NCAPD3: variants seen among roughly 807,000 people sequenced by gnomAD.
NCAPD3 encodes condensin-2 complex subunit D3.
Under a neutral mutation model 182.9 loss-of-function variants are expected in NCAPD3, and 105 were observed. That is an observed-to-expected ratio of 0.57 (90% CI 0.49 to 0.68). NCAPD3 has a LOEUF of 0.68. Among genes scored for constraint, NCAPD3 ranks in the 30% least tolerant of loss-of-function variants. The pLI is 0.00. For synonymous variants in NCAPD3, 815 were observed against 679.9 expected (o/e 1.20, Z -3.09); for missense variants, 1,944 against 1,837.0 (o/e 1.06, Z -1.07).
Position 134,185,402 on chromosome 11 carries a change from T to C in NCAPD3, c.2170A>G (p.Lys724Glu). ...HSAPAWMLLS[K>E]IAGSSPRLDY... ...AGCCTGGGTGAGGAGCCAGCAATCT[T>C]GGAGAGCAGCATCCAGGCAGGTGCC... Residue 724 changes from lysine (K) to glutamate (E), a missense_variant, in exon 17 of 35, where the codon AAG (lysine) becomes GAG (glutamate). This residue lies in a region of NCAPD3 where 1,803 missense variants were observed against 1,674.6 expected (regional missense o/e 1.08). Transcript: ENST00000534548. 4 of 1,614,104 alleles carry C rather than the reference T, an allele frequency of 2.5e-6. No individual in the cohort carries two copies. The highest frequency in any genetic ancestry group is 1.6e-4 in the Middle Eastern group (1 of 6,062).
At chr11:134,176,446 C>T in intron 23 of NCAPD3, 60 bp from the exon 24 acceptor site, 1 of 1,384,916 alleles carries the variant, frequency 7.2e-7, no homozygotes, top group Non-Finnish European at 1.0e-6. Context: ...CCTCACTGTT[C>T]CCAGCCACAC....
In NCAPD3 at chr11:134,185,401, T is replaced by C. The variant is rs1395018548; in HGVS notation, c.2171A>G (p.Lys724Arg). The change falls in exon 17 of 35, where the codon AAG becomes AGG. Residue 724 changes from lysine to arginine, a missense_variant. Physicochemically the swap from Lys to Arg is conservative, Grantham distance 26. Coordinates refer to ENST00000534548, the MANE Select transcript of NCAPD3 (RefSeq NM_015261.3). ...CAGCCTGGGTGAGGAGCCAGCAATC[T>C]TGGAGAGCAGCATCCAGGCAGGTGC... ...HSAPAWMLLS[K>R]IAGSSPRLDY... 5 of 1,613,958 alleles carry C rather than the reference T, an allele frequency of 3.1e-6. No homozygotes were observed. Among genetic ancestry groups the C allele is most frequent in the Non-Finnish European group, 4.2e-6 (5 of 1,179,996 alleles).
rs1296176095 is a variant in NCAPD3, at chr11:134,168,117, G to C, written c.3452C>G (p.Ser1151Ter). Residue 1151 changes from serine (S) to a stop codon, truncating the protein, a stop_gained, in exon 27 of 35, where the codon TCA (serine) becomes TGA (stop). Coordinates refer to ENST00000534548, the MANE Select transcript of NCAPD3 (RefSeq NM_015261.3). LOFTEE classifies it high-confidence loss of function. ...CATTGCCAAAAGCTTGATCTCCTTT[G>C]AGCTGAGGACCTCAAACGTGTCTGA... ...LLSDTFEVLS[S>*]KEIKLLAMRS... is the part of the protein sequence containing the mutation. The C allele has an allele frequency of 6.2e-7, 1 of 1,614,148 alleles. No homozygotes were observed. Among genetic ancestry groups the C allele is most frequent in the Non-Finnish European group, 8.5e-7 (1 of 1,179,996 alleles).
At position 134,210,315 on chromosome 11, in the gene NCAPD3, C is replaced by T; in HGVS notation, c.522G>A (p.Gly174=). 6.2e-7 allele frequency: 1 copy of T among 1,614,076 alleles called. No individual in the cohort carries two copies. Among genetic ancestry groups the T allele is most frequent in the Non-Finnish European group, 8.5e-7 (1 of 1,180,014 alleles). The change falls in exon 4 of 35, where the codon GGG becomes GGA. Residue 174 remains glycine, a synonymous_variant. Coordinates refer to ENST00000534548, the MANE Select transcript of NCAPD3 (RefSeq NM_015261.3). Reference sequence around the variant, plus strand: ...GTGGCTTTCCCCTTTTTCTATGCCTCCCGGGGTTAGCCTGAGAGCTCTTAG... The same window carrying T: ...GTGGCTTTCCCCTTTTTCTATGCCTTCCGGGGTTAGCCTGAGAGCTCTTAG... ...EQPKSSQANP[G]RHRKRGKPPR...
chr11:134,155,948 C>T (rs1943407333), intron 32 of NCAPD3, among the ~76,000 whole-genome samples: 1 of 152,224 alleles, frequency 6.6e-6, no homozygotes, highest in South Asian at 2.1e-4. Flanking sequence ...ATCACAGCAT[C>T]AGTGTGACAG....
intron 3 of NCAPD3, among the ~76,000 whole-genome samples, chr11:134,214,108 G>C (rs2136025754): frequency 6.8e-6 from 1 of 147,626 alleles, no homozygotes; most frequent in East Asian, 2.0e-4. Flanking sequence ...TCCAACAAAG[G>C]CAAGGTACAC....
In NCAPD3 at chr11:134,168,934, C is replaced by T. The variant is rs752960875; in HGVS notation, c.3222G>A (p.Lys1074=). 48 of 1,613,570 alleles carry T rather than the reference C, an allele frequency of 3.0e-5. No homozygotes were observed. The highest frequency in any genetic ancestry group is 4.0e-5 in the Non-Finnish European group (47 of 1,179,704). ...TCACTGACCTCTCTGACTGGGGGAA[C>T]TTGTTGTACTTCTCATGCTTCTCAT... The part of the protein sequence containing the change: ...NNYEKHEKYN[K]FPQSEREKRL... Residue 1074 remains lysine, a synonymous_variant, in exon 25 of 35, where the codon AAG becomes AAA. Transcript: ENST00000534548.
intron 1 of NCAPD3, 71 bp downstream of exon 1, chr11:134,223,792 G>GGCCC: frequency 6.4e-7 from 1 of 1,554,192 alleles, no homozygotes; most frequent in Non-Finnish European, 8.7e-7. Context: ...CCCCGGCCCG[G>GGCCC]GCTTAGGCAT....
chr11:134,212,384 T>C, intron 3 of NCAPD3, among the ~76,000 whole-genome samples: 1 of 150,528 alleles, frequency 6.6e-6, no homozygotes, highest in South Asian at 2.1e-4. Flanking sequence ...TTTGTGTGTG[T>C]GTGTGTGTGT....
chr11:134,194,564 C>A, intron 14 of NCAPD3, 101 bp downstream of exon 14: 1 of 758,682 alleles, frequency 1.3e-6, no homozygotes, highest in Non-Finnish European at 2.1e-6. Flanking sequence ...AGGCGAAAAG[C>A]AAATTAAGTA....
chr11:134,206,859 G>T, intron 7 of NCAPD3, 127 bp from the exon 8 acceptor site: 2 of 871,878 alleles, frequency 2.3e-6, no homozygotes, highest in Non-Finnish European at 3.4e-6. Flanking sequence ...ATAATTGCTG[G>T]CTGAACACTA....
chr11:134,190,688 G>A (rs930213854), intron 16 of NCAPD3, among the ~76,000 whole-genome samples: 6 of 152,158 alleles, frequency 3.9e-5, no homozygotes, highest in African/African-American at 1.4e-4. Context: ...CATTGCCAGG[G>A]ATGATCTCAA....
chr11:134,177,072 T>C, intron 23 of NCAPD3, 147 bp downstream of exon 23: 1 of 656,374 alleles, frequency 1.5e-6, no homozygotes, highest in Non-Finnish European at 2.7e-6. Flanking sequence ...GTGCTAAACA[T>C]CAGAAGAGTA....
chr11:134,203,155 C>G lies in NCAPD3; in HGVS notation c.1512G>C (p.Leu504=). 1 of 1,592,752 alleles carries G rather than the reference C, an allele frequency of 6.3e-7. No homozygotes were observed. The highest frequency in any genetic ancestry group is 8.6e-7 in the Non-Finnish European group (1 of 1,161,278). The part of the protein sequence containing the change: ...SVIESHPGTL[L]RNSSAFSYQR... ...TTGATCCATTACCTGATGAATTTCT[C>G]AGTAAGGTACCAGGGTGACTCTCTA... The change falls in exon 12 of 35, where the codon CTG becomes CTC. Residue 504 remains leucine (L), a synonymous_variant. Coordinates refer to ENST00000534548, the MANE Select transcript of NCAPD3 (RefSeq NM_015261.3).
chr11:134,208,906 T>A lies in NCAPD3; in HGVS notation c.840A>T (p.Gly280=). 2 of 1,612,672 alleles carry A rather than the reference T, an allele frequency of 1.2e-6. No homozygotes were observed. The highest frequency in any genetic ancestry group is 2.2e-5 in the South Asian group (2 of 90,732). ...GAATGGGAGAGCACAGCAAATACAA[T>A]CCATAATAAGCCAGTTCTGGTATGT... is the stretch of plus-strand genomic sequence containing the variant. The part of the protein sequence containing the change: ...AKYIPELAYY[G]LYLLCSPIHG... Residue 280 remains glycine (G), a synonymous_variant, in exon 7 of 35, where the codon GGA becomes GGT. Transcript: ENST00000534548.
At chr11:134,202,782 A>T in intron 13 of NCAPD3, 34 bp downstream of exon 13, 1 of 1,475,072 alleles carries the variant, frequency 6.8e-7, no homozygotes, top group Non-Finnish European at 9.3e-7. Flanking sequence ...ATCCAGCAGT[A>T]TTACCTATCT....
Position 134,217,778 on chromosome 11 carries a change from C to T in NCAPD3, c.220-680G>A, listed in dbSNP as rs1938080408. Among the ~76,000 whole-genome samples the T allele has an allele frequency of 2.0e-5, 3 of 152,182 alleles. No individual in the cohort carries two copies. The South Asian group carries it at 6.2e-4, about 32-fold the overall frequency. On this transcript the variant is annotated intron_variant, in intron 2 of 34. Transcript: ENST00000534548. Reference sequence around the variant, plus strand: ...AAAATTCAAGTGAGCAGAGCACTCTCCTTTCCTTAACTAAAAAACTTACGG... The same window carrying T: ...AAAATTCAAGTGAGCAGAGCACTCTTCTTTCCTTAACTAAAAAACTTACGG...
chr11:134,159,378 T>A (rs1463365198), intron 29 of NCAPD3, among the ~76,000 whole-genome samples: 8 of 152,264 alleles, frequency 5.3e-5, no homozygotes, highest in Non-Finnish European at 7.3e-5. Context: ...TGAAGCCATA[T>A]CAACCCTGGG....
At chr11:134,165,717 G>A (rs1244018329) in intron 27 of NCAPD3, among the ~76,000 whole-genome samples, 1 of 134,838 alleles carries the variant, frequency 7.4e-6, no homozygotes, top group Non-Finnish European at 1.6e-5. Context: ...GCACACTCGT[G>A]AGATGAGCTT....
Sources: allele counts gnomAD v4.1 joint callset (sites outside exome capture counted in the v4.1 genomes callset), GRCh38; gene constraint gnomAD v4.1.1; regional missense constraint gnomAD v4.1.1; transcripts MANE v1.5; gene names NCBI Gene and HGNC (gene_info 2026-07-23, HGNC 2026-07-21).